The following MTUS2 variants were observed in gnomAD, a reference collection of about 807,000 sequenced individuals.
MTUS2 encodes the protein microtubule-associated tumor suppressor candidate 2.
In MTUS2, 40 loss-of-function variants were observed where a neutral mutation model predicts 114.1. The ratio of observed to expected loss-of-function variants is 0.35; its 90% CI spans 0.27 to 0.46. The LOEUF is 0.46. Among genes scored for constraint, MTUS2 ranks in the 20% least tolerant of loss-of-function variants. MTUS2 has a pLI of 1.00. For synonymous variants in MTUS2, 688 were observed against 672.0 expected, an observed-to-expected ratio of 1.02 and a Z score of -0.37; for missense variants, 1,679 against 1,705.4, an observed-to-expected ratio of 0.98 and a Z score of 0.27.
Position 29,065,617 on chromosome 13 carries a change from G to T in MTUS2, c.2446+31492G>T, listed in dbSNP as rs139046093. Among the ~76,000 whole-genome samples the T allele has an allele frequency of 5.8e-4, 89 of 152,196 alleles. 2 individuals carry two copies. The East Asian group carries it at 0.016, about 28-fold the overall frequency. ...AAAAAATAAACAGACATAGTCTGTT[G>T]TCTGTTAACTCTGTTGTTAGTTTCT... On this transcript the variant is annotated intron_variant, in intron 4 of 15. Transcript: ENST00000612955.
chr13:29,415,883 T>A (rs1012604572), intron 8 of MTUS2, among the ~76,000 whole-genome samples: 3 of 152,074 alleles, frequency 2.0e-5, no homozygotes, highest in Non-Finnish European at 4.4e-5. Flanking sequence ...TGTCCCGTTT[T>A]CTTAGTTAAC....
At chr13:29,328,126 TTC>T (rs1253094365) in intron 7 of MTUS2, among the ~76,000 whole-genome samples, 1 of 152,188 alleles carries the variant, frequency 6.6e-6, no homozygotes, top group African/African-American at 2.4e-5. Context: ...CTGGATATAA[TTC>T]TTTCTTATGT....
At chr13:28,848,480 A>C (rs910781934) in intron 2 of MTUS2, among the ~76,000 whole-genome samples, 1 of 152,138 alleles carries the variant, frequency 6.6e-6, no homozygotes, top group Non-Finnish European at 1.5e-5. Flanking sequence ...CAAAAGGATT[A>C]CATTATACGA....
intron 8 of MTUS2, among the ~76,000 whole-genome samples, chr13:29,381,853 C>T (rs552328229): frequency 6.6e-6 from 1 of 152,022 alleles, no homozygotes; most frequent in Admixed American, 6.5e-5. Context: ...ATTTTGATCA[C>T]CTCATGAGTA....
At chr13:29,358,047 GAAGAGGA>G (rs1869898262) in intron 7 of MTUS2, among the ~76,000 whole-genome samples, 2 of 152,158 alleles carry the variant, frequency 1.3e-5, no homozygotes, top group African/African-American at 4.8e-5. Flanking sequence ...GAGGAAAACA[GAAGAGGA>G]AGAAAACATT....
chr13:28,935,686 C>T (rs530873181), intron 2 of MTUS2, among the ~76,000 whole-genome samples: 1 of 152,224 alleles, frequency 6.6e-6, no homozygotes, highest in South Asian at 2.1e-4. Context: ...GGGCACTACC[C>T]AGAAGGAAAG....
intron 5 of MTUS2, among the ~76,000 whole-genome samples, chr13:29,186,076 C>G (rs779480923): frequency 6.6e-6 from 1 of 151,988 alleles, no homozygotes; most frequent in Non-Finnish European, 1.5e-5. Flanking sequence ...TAACCAGGCA[C>G]GGTGGCACAT....
At chr13:28,931,548 G>T (rs1881616959) in intron 2 of MTUS2, among the ~76,000 whole-genome samples, 1 of 152,070 alleles carries the variant, frequency 6.6e-6, no homozygotes, top group Non-Finnish European at 1.5e-5. Context: ...GTGTCCTGAG[G>T]CCTCTCTAGC....
At chr13:29,121,987 T>C (rs949156368) in intron 5 of MTUS2, among the ~76,000 whole-genome samples, 2 of 152,064 alleles carry the variant, frequency 1.3e-5, no homozygotes, top group Non-Finnish European at 2.9e-5. Context: ...AAACCTCACT[T>C]CTCGCTGTAT....
intron 4 of MTUS2, among the ~76,000 whole-genome samples, chr13:29,091,911 A>G (rs1244702697): frequency 6.6e-6 from 1 of 152,236 alleles, no homozygotes; most frequent in Non-Finnish European, 1.5e-5. Context: ...GCTTGCTAGA[A>G]GGCAGCAGAG....
Position 28,994,082 on chromosome 13 carries a change from T to G in MTUS2, c.-242-30375T>G, listed in dbSNP as rs576465790. Among the ~76,000 whole-genome samples, 306 of 152,198 alleles carry G rather than the reference T, an allele frequency of 2.0e-3. 4 individuals carry two copies. Among genetic ancestry groups the G allele is most frequent in the African/African-American group, 7.2e-3 (298 of 41,516 alleles). On this transcript the variant is annotated intron_variant, in intron 2 of 15. Transcript: ENST00000612955. ...GCCACCCACAACAGTCGCCGGTGTG[T>G]GATGTTCCCCTTCCTGTGTCCATGT...
chr13:29,200,557 G>GTTTTTTTTTTTTT (rs1894907846), intron 5 of MTUS2, among the ~76,000 whole-genome samples: 1 of 64,752 alleles, frequency 1.5e-5, no homozygotes, highest in African/African-American at 6.8e-5. Context: ...TTTTGCTCTT[G>GTTTTTTTTTTTTT]TTGCCCAGGC....
At chr13:28,908,291 C>A (rs998420418) in intron 2 of MTUS2, among the ~76,000 whole-genome samples, 1 of 151,420 alleles carries the variant, frequency 6.6e-6, no homozygotes, top group Non-Finnish European at 1.5e-5. Flanking sequence ...TCCCTTCCAC[C>A]TCCCCCAACC....
intron 5 of MTUS2, among the ~76,000 whole-genome samples, chr13:29,156,571 G>A (rs1312745225): frequency 6.6e-6 from 1 of 152,086 alleles, no homozygotes; most frequent in African/African-American, 2.4e-5. Context: ...CCTACTTGCT[G>A]TGTGATCTTC....
chr13:28,893,933 G>A (rs963411800), intron 2 of MTUS2, among the ~76,000 whole-genome samples: 1 of 152,126 alleles, frequency 6.6e-6, no homozygotes, highest in African/African-American at 2.4e-5. Context: ...AAAGATTTGA[G>A]ATTTTGCATG....
intron 7 of MTUS2, among the ~76,000 whole-genome samples, chr13:29,345,746 G>A (rs529583004): frequency 6.6e-6 from 1 of 152,096 alleles, no homozygotes; most frequent in South Asian, 2.1e-4. Context: ...TCATATTACT[G>A]GAATTGTTTT....
chr13:28,934,578 C>T (rs961700994), intron 2 of MTUS2, among the ~76,000 whole-genome samples: 1 of 152,118 alleles, frequency 6.6e-6, no homozygotes. Flanking sequence ...GGCTGGAGTG[C>T]AGTGGTGCAA....
chr13:28,999,304 G>A (rs543567433), intron 2 of MTUS2, among the ~76,000 whole-genome samples: 2 of 152,272 alleles, frequency 1.3e-5, no homozygotes, highest in African/African-American at 4.8e-5. Context: ...GCCCCTACTG[G>A]GGGGTTCCTC....
chr13:29,329,381 A>G (rs1229225125), intron 7 of MTUS2, among the ~76,000 whole-genome samples: 1 of 151,852 alleles, frequency 6.6e-6, no homozygotes, highest in Non-Finnish European at 1.5e-5. Flanking sequence ...ATGAGTGAGA[A>G]CATGTGGTAT....
Sources: allele counts gnomAD v4.1 joint callset (sites outside exome capture counted in the v4.1 genomes callset), GRCh38; gene constraint gnomAD v4.1.1; transcripts MANE v1.5; gene names NCBI Gene and HGNC (gene_info 2026-07-23, HGNC 2026-07-21).